Variants in CEMIP2 observed in about 807,000 individuals in gnomAD.
CEMIP2 encodes the protein cell migration inducing hyaluronidase 2, also known as cell surface hyaluronidase CEMIP2.
CEMIP2 carries 79 observed loss-of-function variants against 146.9 expected under a neutral mutation model. The observed-to-expected ratio is 0.54, with a 90% CI of 0.45 to 0.65. The LOEUF (loss-of-function observed/expected upper bound fraction) is 0.65, where lower values mean the gene tolerates loss of function less well. CEMIP2 is among the 30% of genes least tolerant of loss of function. CEMIP2 has a pLI of 0.00. For synonymous variants in CEMIP2, 601 were observed against 606.3 expected (o/e 0.99, Z 0.13); for missense variants, 1,596 against 1,696.2 (o/e 0.94, Z 1.04).
Position 71,692,002 on chromosome 9 carries a change from G to A in CEMIP2, c.3697-1756C>T, listed in dbSNP as rs140385313. 1.4e-4 allele frequency among the ~76,000 whole-genome samples: 21 copies of A among 152,042 alleles called. No homozygotes were observed. The South Asian group carries it at 3.9e-3, about 29-fold the overall frequency. On this transcript the variant is annotated intron_variant, in intron 21 of 23. Transcript: ENST00000377044. ...CTAGCACCTGTAATCCCAGTTACTC[G>A]GGAGGCTGAGGCTGGAGAATCTCTT...
Position 71,768,415 on chromosome 9 carries a change from A to G in CEMIP2, c.-71T>C. The G allele has an allele frequency of 6.6e-6, 1 of 152,144 alleles. No homozygotes were observed. The highest frequency in any genetic ancestry group is 1.5e-5 in the Non-Finnish European group (1 of 68,000). The allele number at this position is 152,144 out of a possible 1,614,324, so 9.4% of individuals were successfully genotyped here. ...GGTGCCTACACAGCGGTCCAGGGAG[A>G]CGGAGAGGAGTCCCTGGCGTCCTCG... On this transcript the variant is annotated 5_prime_UTR_variant, in exon 1 of 24. Coordinates refer to ENST00000377044, the MANE Select transcript of CEMIP2 (RefSeq NM_013390.3).
chr9:71,713,366 G>A (rs1822963298), intron 15 of CEMIP2, among the ~76,000 whole-genome samples: 1 of 152,052 alleles, frequency 6.6e-6, no homozygotes, highest in Non-Finnish European at 1.5e-5. Context: ...TGCTCTCATT[G>A]CCTTCTGTCA....
At chr9:71,710,959 G>A (rs1242290109) in intron 16 of CEMIP2, among the ~76,000 whole-genome samples, 2 of 152,100 alleles carry the variant, frequency 1.3e-5, no homozygotes, top group Non-Finnish European at 2.9e-5. Flanking sequence ...TTTTAAATTG[G>A]GCAACTATTA....
At chr9:71,721,494 T>C (rs1424079729) in intron 12 of CEMIP2, among the ~76,000 whole-genome samples, 1 of 152,250 alleles carries the variant, frequency 6.6e-6, no homozygotes, top group African/African-American at 2.4e-5. Flanking sequence ...CTCAACTTGA[T>C]GTTTGAGGAA....
intron 2 of CEMIP2, 39 bp from the exon 3 acceptor site, chr9:71,746,380 G>T (rs1564023063): frequency 6.2e-7 from 1 of 1,609,778 alleles, no homozygotes; most frequent in Non-Finnish European, 8.5e-7. Flanking sequence ...CCATTAAAAT[G>T]CAGGAATAAT....
chr9:71,732,799 C>T (rs562502431), intron 6 of CEMIP2, among the ~76,000 whole-genome samples: 2 of 141,152 alleles, frequency 1.4e-5, no homozygotes, highest in East Asian at 2.2e-4. Flanking sequence ...CTCCGCCTCC[C>T]GGGTTCATGC....
In CEMIP2 at chr9:71,685,407, AAAAAAAGAAAAAG is replaced by A; in HGVS notation, c.3956-27_3956-15del. On this transcript the variant is annotated splice_polypyrimidine_tract_variant and intron_variant, in intron 23 of 23. Coordinates refer to ENST00000377044, the MANE Select transcript of CEMIP2 (RefSeq NM_013390.3). Reference sequence around the variant, plus strand: ...ATATGGTACTCCCTAAAAAAAAAAAAAAAAAAGAAAAAGAAAAAAAATCAATTTTTATAGCTAC... The same window carrying A: ...ATATGGTACTCCCTAAAAAAAAAAAAAAAAAAAATCAATTTTTATAGCTAC... 1 of 1,496,546 alleles carries A rather than the reference AAAAAAAGAAAAAG, an allele frequency of 6.7e-7. No homozygotes were observed. The highest frequency in any genetic ancestry group is 1.3e-5 in the South Asian group (1 of 75,014). 92.7% of individuals were successfully genotyped at this position (1,496,546 alleles called of 1,614,324 possible).
At position 71,714,986 on chromosome 9, in the gene CEMIP2, A is replaced by G; in HGVS notation, c.2539T>C (p.Tyr847His). 6.2e-7 allele frequency: 1 copy of G among 1,613,968 alleles called. No homozygotes were observed. The highest frequency in any genetic ancestry group is 8.5e-7 in the Non-Finnish European group (1 of 1,179,926). Residue 847 changes from tyrosine (Y) to histidine (H), a missense_variant, in exon 15 of 24, where the codon TAT (tyrosine) becomes CAT (histidine). Coordinates refer to ENST00000377044, the MANE Select transcript of CEMIP2 (RefSeq NM_013390.3). The part of the protein sequence containing the change: ...NYGFQGGQNK[Y>H]VGTGGIDQKP... ...TGGTCTATTCCTCCAGTGCCTACAT[A>G]CTTGTTCTGACCACCCTGAAAGCCG...
intron 21 of CEMIP2, among the ~76,000 whole-genome samples, 173 bp downstream of exon 21, chr9:71,694,336 C>A (rs139474664): frequency 4.4e-4 from 67 of 152,188 alleles, no homozygotes; most frequent in African/African-American, 1.6e-3. Flanking sequence ...CCATGTTAGC[C>A]AGGATGGTCT....
chr9:71,744,560 G>T (rs2132004728), intron 4 of CEMIP2, among the ~76,000 whole-genome samples: 1 of 152,108 alleles, frequency 6.6e-6, no homozygotes, highest in African/African-American at 2.4e-5. Flanking sequence ...AAAAGAAAAA[G>T]AAAAAGAAAA....
At chr9:71,698,257 C>G in intron 19 of CEMIP2, 53 bp from the exon 20 acceptor site, 1 of 1,515,232 alleles carries the variant, frequency 6.6e-7, no homozygotes. Context: ...CAAAAACTTA[C>G]AAAATTCCTC....
intron 4 of CEMIP2, among the ~76,000 whole-genome samples, chr9:71,741,617 C>CTT (rs1823917832): frequency 9.9e-6 from 1 of 100,532 alleles, no homozygotes; most frequent in Admixed American, 9.5e-5. Context: ...ACCATTATTT[C>CTT]TTTTTCTTTT....
intron 13 of CEMIP2, 75 bp from the exon 14 acceptor site, chr9:71,716,627 A>AT: frequency 7.8e-7 from 1 of 1,274,882 alleles, no homozygotes; most frequent in Admixed American, 2.2e-5. Flanking sequence ...CTCAATATTT[A>AT]ATTATCATGA....
intron 1 of CEMIP2, among the ~76,000 whole-genome samples, chr9:71,766,178 C>T (rs896178184): frequency 6.6e-6 from 1 of 151,778 alleles, no homozygotes; most frequent in African/African-American, 2.4e-5. Context: ...AAGCGATTCT[C>T]CTTCCTCAGC....
chr9:71,688,472 A>G (rs1248349648), intron 22 of CEMIP2, among the ~76,000 whole-genome samples: 1 of 151,518 alleles, frequency 6.6e-6, no homozygotes, highest in Non-Finnish European at 1.5e-5. Flanking sequence ...CTCACTGCAA[A>G]CTGCCTCCTA....
At chr9:71,750,577 G>T (rs952563600) in intron 1 of CEMIP2, among the ~76,000 whole-genome samples, 192 bp from the exon 2 acceptor site, 6 of 151,354 alleles carry the variant, frequency 4.0e-5, no homozygotes, top group African/African-American at 4.9e-5. Context: ...GAGTAGCTGG[G>T]ATTAGAGGCA....
intron 1 of CEMIP2, among the ~76,000 whole-genome samples, chr9:71,754,772 G>A (rs1564026976): frequency 6.6e-6 from 1 of 151,900 alleles, no homozygotes; most frequent in Non-Finnish European, 1.5e-5. Flanking sequence ...GCTTGGTTAT[G>A]AATCAAGCAA....
rs1298414386 is a variant in CEMIP2 at position 71,698,016 on chromosome 9, G to C, written c.3566C>G (p.Thr1189Ser). 6.2e-7 allele frequency: 1 copy of C among 1,614,142 alleles called. No homozygotes were observed. The highest frequency in any genetic ancestry group is 1.7e-5 in the Admixed American group (1 of 60,024). The change falls in exon 20 of 24, where the codon ACT becomes AGT. Residue 1189 changes from threonine (T) to serine (S), a missense_variant. By Grantham distance (58) the Thr-to-Ser change is moderately conservative. Coordinates refer to ENST00000377044, the MANE Select transcript of CEMIP2 (RefSeq NM_013390.3). ...AGTGCCACAGCCTTGACAGAGTCCA[G>C]TGAGCATGGCCGGCATCCGCTTGAC... is the stretch of plus-strand genomic sequence containing the variant. ...SVVKRMPAML[T>S]GLCQGCGTRQ...
Position 71,750,259 on chromosome 9 carries a change from G to C in CEMIP2, c.115C>G (p.Pro39Ala), listed in dbSNP as rs748631671. The C allele has an allele frequency of 6.2e-7, 1 of 1,614,102 alleles. No individual in the cohort carries two copies. The highest frequency in any genetic ancestry group is 1.7e-5 in the Admixed American group (1 of 60,016). ...PGKVVPLRPP[P>A]PPKSQASAKF... ...GCTGAAGCTTGACTCTTTGGAGGAG[G>C]AGGGGGACGCAATGGGACAACCTTC... The change falls in exon 2 of 24, where the codon CCT becomes GCT. Residue 39 changes from proline (P) to alanine (A), a missense_variant. Coordinates refer to ENST00000377044, the MANE Select transcript of CEMIP2 (RefSeq NM_013390.3).
Sources: gnomAD v4.1 joint callset for allele counts (sites outside exome capture counted in the v4.1 genomes callset) on GRCh38, gnomAD v4.1.1 for gene constraint, MANE v1.5 for transcripts, NCBI Gene and HGNC (gene_info 2026-07-23, HGNC 2026-07-21) for gene names.